Variants in MYO10 observed in about 807,000 individuals in gnomAD.
MYO10 encodes unconventional myosin-X.
A neutral mutation model predicts 257.3 loss-of-function variants in MYO10; 133 were observed. The ratio of observed to expected loss-of-function variants is 0.52; its 90% CI spans 0.45 to 0.60. MYO10 has a LOEUF of 0.60. Among genes scored for constraint, MYO10 ranks in the 20% least tolerant of loss-of-function variants. The pLI, the probability that MYO10 is intolerant of heterozygous loss-of-function variation, is 0.00. For missense variants in MYO10, 2,399 were observed against 2,635.7 expected (o/e 0.91, Z 1.97); for synonymous variants, 1,104 against 1,028.6 (o/e 1.07, Z -1.40).
chr5:16,667,720 C>T (rs185703913), intron 40 of MYO10, among the ~76,000 whole-genome samples: 279 of 152,310 alleles, frequency 1.8e-3, no homozygotes, highest in Non-Finnish European at 3.1e-3. Context: ...CCACTCACCA[C>T]GTTGACTTGC....
intron 4 of MYO10, among the ~76,000 whole-genome samples, chr5:16,790,434 TTGTACTCCCA>T (rs1741717724): frequency 6.6e-6 from 1 of 152,178 alleles, no homozygotes; most frequent in Non-Finnish European, 1.5e-5. Context: ...TCATCTTGAA[TTGTACTCCCA>T]TGGTTCCCGC....
At chr5:16,874,376 TAGTC>T (rs201630898) in intron 2 of MYO10, among the ~76,000 whole-genome samples, 4,171 of 113,292 alleles carry the variant, frequency 0.037, 178 homozygotes, top group East Asian at 0.19. Context: ...TTCTATCACA[TAGTC>T]AGGCTGCAAA....
At chr5:16,860,482 C>G (rs1372112074) in intron 2 of MYO10, among the ~76,000 whole-genome samples, 1 of 152,126 alleles carries the variant, frequency 6.6e-6, no homozygotes, top group African/African-American at 2.4e-5. Flanking sequence ...GAAATGGATT[C>G]AGGCAATTTT....
chr5:16,792,162 G>C (rs1560987041), intron 4 of MYO10, among the ~76,000 whole-genome samples: 1 of 147,632 alleles, frequency 6.8e-6, no homozygotes, highest in African/African-American at 2.5e-5. Context: ...GAGAGAGAGA[G>C]AGGGAGAGAC....
Position 16,668,388 on chromosome 5 carries a change from T to G in MYO10, c.5964A>C (p.Gly1988=). 1 of 1,613,952 alleles carries G rather than the reference T, an allele frequency of 6.2e-7. No individual in the cohort carries two copies. Among genetic ancestry groups the G allele is most frequent in the Non-Finnish European group, 8.5e-7 (1 of 1,179,874 alleles). Reference sequence around the variant, plus strand: ...CATACTGGAAGACTTCCAGTGGTCTTCCCTCTCCACGCTTGTAGACGGAGA... The same window carrying G: ...CATACTGGAAGACTTCCAGTGGTCTGCCCTCTCCACGCTTGTAGACGGAGA... ...DAVSVYKRGE[G]RPLEVFQYEH... The change falls in exon 40 of 41, where the codon GGA becomes GGC. Residue 1988 remains glycine, a synonymous_variant. Transcript: ENST00000513610.
chr5:16,816,337 CAAA>C (rs369557076), intron 3 of MYO10, among the ~76,000 whole-genome samples: 6 of 106,330 alleles, frequency 5.6e-5, no homozygotes, highest in Non-Finnish European at 9.6e-5. Flanking sequence ...GACTCTGTCT[CAAA>C]AAAAAAAAAA....
intron 33 of MYO10, among the ~76,000 whole-genome samples, chr5:16,679,309 C>T (rs919600452): frequency 9.8e-5 from 15 of 152,292 alleles, no homozygotes; most frequent in Middle Eastern, 3.4e-3. Flanking sequence ...GTCCCCCACG[C>T]AGGTCACCAC....
intron 1 of MYO10, among the ~76,000 whole-genome samples, chr5:16,894,826 A>G (rs253479): frequency 0.013 from 2,007 of 152,258 alleles, 40 homozygotes; most frequent in African/African-American, 0.043. Flanking sequence ...GAATAGGAGA[A>G]GCCCCCACGG....
chr5:16,679,763 G>C lies in MYO10; in HGVS notation c.4542+184C>G, dbSNP rs539505425. Among the ~76,000 whole-genome samples the C allele has an allele frequency of 5.7e-4, 86 of 152,162 alleles. 1 individual carries two copies. Among genetic ancestry groups the C allele is most frequent in the Non-Finnish European group, 8.2e-4 (56 of 68,006 alleles). On this transcript the variant is annotated intron_variant, in intron 33 of 40. Transcript: ENST00000513610. ...TGGTCTTGAACTCCTGACCTCAAGT[G>C]ATCCACCTGCCTCAGCCTTCCAAAG...
intron 2 of MYO10, among the ~76,000 whole-genome samples, chr5:16,858,665 A>G (rs562478100): frequency 3.3e-5 from 5 of 152,284 alleles, no homozygotes; most frequent in East Asian, 3.9e-4. Flanking sequence ...TTGCAGTTCT[A>G]CGTAACACAC....
At chr5:16,861,105 T>G (rs2126745587) in intron 2 of MYO10, among the ~76,000 whole-genome samples, 1 of 152,154 alleles carries the variant, frequency 6.6e-6, no homozygotes, top group Admixed American at 6.5e-5. Flanking sequence ...GCCAAGGCCC[T>G]TGGTAGAAGC....
At chr5:16,832,055 C>G (rs536004494) in intron 2 of MYO10, among the ~76,000 whole-genome samples, 9 of 152,184 alleles carry the variant, frequency 5.9e-5, no homozygotes, top group African/African-American at 2.2e-4. Flanking sequence ...TGATGCTCCC[C>G]GCCTTAGCCC....
chr5:16,675,442 T>C (rs77017698), intron 34 of MYO10, among the ~76,000 whole-genome samples: 6,881 of 152,208 alleles, frequency 0.045, 489 homozygotes, highest in African/African-American at 0.16. Flanking sequence ...TAGGATCTGG[T>C]TGTCTGGCTA....
intron 19 of MYO10, among the ~76,000 whole-genome samples, chr5:16,747,040 A>C (rs1420598081): frequency 6.6e-6 from 1 of 152,120 alleles, no homozygotes; most frequent in Non-Finnish European, 1.5e-5. Context: ...ACCCATTTGG[A>C]GATGGGGATA....
chr5:16,680,367 A>G (rs1736936038), intron 32 of MYO10, among the ~76,000 whole-genome samples: 1 of 152,176 alleles, frequency 6.6e-6, no homozygotes, highest in African/African-American at 2.4e-5. Flanking sequence ...ATAAAGATAA[A>G]TGATAACTGG....
chr5:16,740,322 G>A (rs1164243865), intron 19 of MYO10, among the ~76,000 whole-genome samples: 2 of 151,866 alleles, frequency 1.3e-5, no homozygotes, highest in South Asian at 2.1e-4. Flanking sequence ...CCGTGAAAAC[G>A]TTAATTCAGG....
rs1337767356 is a variant in MYO10 at position 16,663,024 on chromosome 5, C to T, written c.*3668G>A. ...AATGGACTAATACAGATGGCCTTAT[C>T]CTGTTTTTCCACAGAGCTATCTGAG... On this transcript the variant is annotated 3_prime_UTR_variant, in exon 41 of 41. Coordinates refer to ENST00000513610, the MANE Select transcript of MYO10 (RefSeq NM_012334.3). 6.6e-6 allele frequency: 1 copy of T among 152,182 alleles called. No individual in the cohort carries two copies. Among genetic ancestry groups the T allele is most frequent in the African/African-American group, 2.4e-5 (1 of 41,412 alleles). The allele number at this position is 152,182 out of a possible 1,614,324, so 9.4% of individuals were successfully genotyped here.
chr5:16,691,512 A>T (rs1005287209), intron 27 of MYO10, among the ~76,000 whole-genome samples: 4 of 151,976 alleles, frequency 2.6e-5, no homozygotes, highest in Non-Finnish European at 5.9e-5. Context: ...CAGCCTGGCC[A>T]ACATGGTGAA....
chr5:16,816,331 C>T (rs1213961213), intron 3 of MYO10, among the ~76,000 whole-genome samples: 1 of 77,708 alleles, frequency 1.3e-5, no homozygotes, highest in Non-Finnish European at 2.7e-5. Context: ...GAGTGAGACT[C>T]TGTCTCAAAA....
Sources: allele counts gnomAD v4.1 joint callset (sites outside exome capture counted in the v4.1 genomes callset), GRCh38; gene constraint gnomAD v4.1.1; transcripts MANE v1.5; gene names NCBI Gene and HGNC (gene_info 2026-07-23, HGNC 2026-07-21).